Variants in WASF3 observed in about 807,000 individuals in gnomAD.
The protein encoded by WASF3 is WASP family member 3, also known as actin-binding protein WASF3.
WASF3 carries 11 observed loss-of-function variants against 46.6 expected under a neutral mutation model. That is an observed-to-expected ratio of 0.24 (90% confidence interval 0.15 to 0.39). The LOEUF (loss-of-function observed/expected upper bound fraction) is 0.39. Among genes scored for constraint, WASF3 ranks in the 10% least tolerant of loss-of-function variants. The pLI is 1.00. For synonymous variants in WASF3, 242 were observed against 259.7 expected, an observed-to-expected ratio of 0.93 and a Z score of 0.65; for missense variants, 576 against 669.8, an observed-to-expected ratio of 0.86 and a Z score of 1.55.
At chr13:26,546,896 A>C in the WASF3 span, among the ~76,000 whole-genome samples, 14 of 152,100 alleles carry the variant, frequency 9.2e-5, no homozygotes, top group African/African-American at 3.4e-4. Flanking sequence ...CCTATACTTC[A>C]CCTTCAGCCA....
In WASF3 at chr13:26,665,031, A is replaced by G; in HGVS notation, c.137A>G (p.Lys46Arg). The G allele has an allele frequency of 1.9e-6, 3 of 1,614,084 alleles. No individual in the cohort carries two copies. Among genetic ancestry groups the G allele is most frequent in the African/African-American group, 1.3e-5 (1 of 75,062 alleles). ...CTCCATTCATTTTATTCTACAGGCA[A>G]ACATGCTGAAGACATATTTGGTGAG... ...AIIRQLSSLSKHAEDIFGELF... is the reference protein window; with the variant it reads ...AIIRQLSSLSRHAEDIFGELF... Residue 46 changes from lysine (K) to arginine (R), a missense_variant, in exon 4 of 10, where the codon AAA becomes AGA. Lys to Arg is a conservative substitution (Grantham distance 26). Coordinates refer to ENST00000335327, the MANE Select transcript of WASF3 (RefSeq NM_006646.6).
chr13:26,676,992 T>C (rs748878134), intron 7 of WASF3, among the ~76,000 whole-genome samples: 4 of 152,240 alleles, frequency 2.6e-5, no homozygotes, highest in Non-Finnish European at 5.9e-5. Context: ...GTTTTAACAC[T>C]GATTCTGAAT....
At chr13:26,640,557 A>G (rs1291955302) in intron 2 of WASF3, 1 of 151,946 alleles carries the variant, frequency 6.6e-6, no homozygotes, top group East Asian at 1.9e-4. Flanking sequence ...ATGTGCCACC[A>G]CGCCTGGCTA....
intron 2 of WASF3, among the ~76,000 whole-genome samples, chr13:26,616,658 C>T (rs1881143379): frequency 6.6e-6 from 1 of 152,064 alleles, no homozygotes; most frequent in South Asian, 2.1e-4. Flanking sequence ...TACTCTTTGT[C>T]ATCTTCCTTT....
At chr13:26,544,941 C>T in the WASF3 span, among the ~76,000 whole-genome samples, 4 of 152,220 alleles carry the variant, frequency 2.6e-5, no homozygotes, top group African/African-American at 4.8e-5. Context: ...GTATGCTAAG[C>T]AGCATATCTT....
chr13:26,640,608 TGTTA>T (rs1881968760), intron 2 of WASF3: 1 of 152,174 alleles, frequency 6.6e-6, no homozygotes, highest in South Asian at 2.1e-4. Context: ...GGTTTCACCA[TGTTA>T]GTCAGGCTGG....
At chr13:26,592,998 GT>G (rs1284349385) in intron 1 of WASF3, among the ~76,000 whole-genome samples, 1 of 152,060 alleles carries the variant, frequency 6.6e-6, no homozygotes, top group East Asian at 1.9e-4. Context: ...TCAGGAATTG[GT>G]TTTTGGGTTT....
intron 1 of WASF3, among the ~76,000 whole-genome samples, chr13:26,581,302 A>G (rs569789761): frequency 6.6e-6 from 1 of 152,116 alleles, no homozygotes; most frequent in Admixed American, 6.5e-5. Context: ...ATGTGAATGG[A>G]TGGAATGTGG....
Position 26,685,961 on chromosome 13 carries a change from G to C in WASF3, c.*116G>C. ...ATAGCACCTTTTGTATAAACAATGT[G>C]ATATTGCTTCTGCACATCCAAAAAT... On this transcript the variant is annotated 3_prime_UTR_variant, in exon 10 of 10. Transcript: ENST00000335327. 1 of 1,379,208 alleles carries C rather than the reference G, an allele frequency of 7.3e-7. No homozygotes were observed. Among genetic ancestry groups the C allele is most frequent in the Non-Finnish European group, 9.6e-7 (1 of 1,036,928 alleles). The allele number at this position is 1,379,208 out of a possible 1,614,324, so 85.4% of individuals were successfully genotyped here. A position where few individuals can be genotyped will look rare whatever the true frequency, so the allele number is the denominator to read the frequency against.
intron 5 of WASF3, among the ~76,000 whole-genome samples, chr13:26,668,733 C>T (rs1356858565): frequency 6.6e-6 from 1 of 152,232 alleles, no homozygotes; most frequent in Non-Finnish European, 1.5e-5. Flanking sequence ...CAGGGAGAGG[C>T]TCTCAGAAAA....
chr13:26,577,127 T>G, intron 1 of WASF3: 3 of 782,912 alleles, frequency 3.8e-6, no homozygotes, highest in Non-Finnish European at 6.9e-6. Context: ...GAGATTGCAT[T>G]TAGAAAATTC....
At chr13:26,557,476 G>C (rs1002938839), upstream of WASF3, among the ~76,000 whole-genome samples, 5 of 151,378 alleles carry the variant, frequency 3.3e-5, no homozygotes, top group South Asian at 2.1e-4. Flanking sequence ...GCTGGGGGCG[G>C]AGGACCAAGG....
chr13:26,643,723 G>C (rs948210210), intron 3 of WASF3, among the ~76,000 whole-genome samples: 1 of 152,182 alleles, frequency 6.6e-6, no homozygotes, highest in East Asian at 1.9e-4. Context: ...GATGAAAGCC[G>C]ACATAAACTG....
chr13:26,554,033 C>CTT (rs1188739174), upstream of WASF3, among the ~76,000 whole-genome samples: 2 of 80,334 alleles, frequency 2.5e-5, no homozygotes, highest in Non-Finnish European at 4.9e-5. Context: ...TTCCTTCTTT[C>CTT]TCTTTCTTTC....
chr13:26,605,151 G>C (rs1434269596), intron 1 of WASF3, among the ~76,000 whole-genome samples: 1 of 152,152 alleles, frequency 6.6e-6, no homozygotes, highest in East Asian at 1.9e-4. Context: ...TATTGCTAAA[G>C]AAAACTGCTT....
intron 1 of WASF3, among the ~76,000 whole-genome samples, chr13:26,587,453 T>C (rs576689283): frequency 1.3e-5 from 2 of 152,318 alleles, no homozygotes; most frequent in South Asian, 4.1e-4. Context: ...CAGTTGGTGT[T>C]TTGAAAGGAA....
At chr13:26,644,780 G>A (rs997420022) in intron 3 of WASF3, among the ~76,000 whole-genome samples, 2 of 152,204 alleles carry the variant, frequency 1.3e-5, no homozygotes, top group African/African-American at 4.8e-5. Flanking sequence ...CTGAACCCGG[G>A]AGGAAGCAGA....
chr13:26,627,051 G>A (rs573252702), intron 2 of WASF3, among the ~76,000 whole-genome samples: 1 of 152,194 alleles, frequency 6.6e-6, no homozygotes, highest in African/African-American at 2.4e-5. Flanking sequence ...ATATGATTTT[G>A]AAATTCTTTA....
At chr13:26,621,577 C>T (rs1013239344) in intron 2 of WASF3, among the ~76,000 whole-genome samples, 10 of 152,176 alleles carry the variant, frequency 6.6e-5, no homozygotes, top group African/African-American at 2.4e-4. Flanking sequence ...TCCTTTGCTG[C>T]TTCACTGTAC....
Sources: gnomAD v4.1 joint callset for allele counts (sites outside exome capture counted in the v4.1 genomes callset) on GRCh38, gnomAD v4.1.1 for gene constraint, MANE v1.5 for transcripts, NCBI Gene and HGNC (gene_info 2026-07-23, HGNC 2026-07-21) for gene names.